The following MROH2A variants were observed in gnomAD, a reference collection of about 807,000 sequenced individuals.
The protein encoded by MROH2A is maestro heat-like repeat-containing protein family member 2A.
Under a neutral mutation model 200.4 loss-of-function variants are expected in MROH2A, and 174 were observed. The ratio of observed to expected loss-of-function variants is 0.87; its 90% CI spans 0.77 to 0.98. The LOEUF (loss-of-function observed/expected upper bound fraction) is 0.98, where lower values mean the gene tolerates loss of function less well. Ranked by LOEUF, MROH2A falls within the 50% of genes least tolerant of loss-of-function variation. The pLI is 0.00. For missense variants in MROH2A, 2,045 were observed against 2,139.6 expected (o/e 0.96, Z 0.87); for synonymous variants, 829 against 840.4 (o/e 0.99, Z 0.23).
chr2:233,791,814 C>T (rs1338932844), intron 5 of MROH2A, among the ~76,000 whole-genome samples: 1 of 151,876 alleles, frequency 6.6e-6, no homozygotes, highest in Non-Finnish European at 1.5e-5. Context: ...GGAAGAGCTT[C>T]ACGGCTTGCT....
In MROH2A at chr2:233,829,635, C is replaced by T. The variant is rs768778741; in HGVS notation, c.4462C>T (p.Arg1488Cys). The T allele has an allele frequency of 1.5e-5, 21 of 1,432,336 alleles. No individual in the cohort carries two copies. The highest frequency in any genetic ancestry group is 8.7e-5 in the Admixed American group (3 of 34,550). The allele number at this position is 1,432,336 out of a possible 1,614,324, so 88.7% of individuals were successfully genotyped here. A position where few individuals can be genotyped will look rare whatever the true frequency, so the allele number is the denominator to read the frequency against. Residue 1488 changes from arginine to cysteine, a missense_variant, in exon 38 of 42, where the codon CGT becomes TGT. This residue lies in a region of MROH2A where 1,201 missense variants were observed against 1,311.3 expected (regional missense o/e 0.92). Coordinates refer to ENST00000389758, the MANE Select transcript of MROH2A (RefSeq NM_001394639.1). ...CTGGCCACAGGAGAGCGAGCTGCTG[C>T]GTCTGAAAGCCTTCATCCTCTTTGG... ...IFFDNESELLRLKAFILFGKL... is the reference protein window; with the variant it reads ...IFFDNESELLCLKAFILFGKL...
intron 5 of MROH2A, among the ~76,000 whole-genome samples, chr2:233,792,405 C>A (rs575271479): frequency 2.6e-5 from 4 of 151,844 alleles, no homozygotes; most frequent in Non-Finnish European, 5.9e-5. Flanking sequence ...CTCCGCCTCC[C>A]GGGTTCACGC....
intron 5 of MROH2A, among the ~76,000 whole-genome samples, chr2:233,791,883 G>T (rs999119317): frequency 1.3e-5 from 2 of 151,986 alleles, no homozygotes; most frequent in African/African-American, 4.8e-5. Flanking sequence ...CTGGAAAGAG[G>T]ACAAGGGACA....
chr2:233,790,226 C>G (rs1373365340), intron 5 of MROH2A, among the ~76,000 whole-genome samples: 1 of 152,116 alleles, frequency 6.6e-6, no homozygotes, highest in Non-Finnish European at 1.5e-5. Context: ...TCTTCCCCCT[C>G]TCTCCTGCTC....
chr2:233,810,469 G>A (rs538512068), intron 22 of MROH2A, among the ~76,000 whole-genome samples: 1 of 152,280 alleles, frequency 6.6e-6, no homozygotes, highest in Non-Finnish European at 1.5e-5. Flanking sequence ...ATTACCACCC[G>A]CTGGGTCCCT....
chr2:233,820,122 C>T lies in MROH2A; in HGVS notation c.3512+66C>T, dbSNP rs565380764. On this transcript the variant is annotated intron_variant, in intron 31 of 41. Coordinates refer to ENST00000389758, the MANE Select transcript of MROH2A (RefSeq NM_001394639.1). This position sits in a 1 kb window ranked among gnomAD's most constrained non-coding sequence, Gnocchi z 4.1. ...TTTGACCATGCCCAACTCACCACCC[C>T]GATGTGTCCCAGAAGCCTGGAGCCT... is the stretch of plus-strand genomic sequence containing the variant. The T allele has an allele frequency of 5.3e-5, 73 of 1,378,608 alleles. No individual in the cohort carries two copies. In the African/African-American group the frequency reaches 5.4e-4, roughly 10 times the overall value. The allele number at this position is 1,378,608 out of a possible 1,614,324, so 85.4% of individuals were successfully genotyped here.
chr2:233,822,546 A>G lies in MROH2A; in HGVS notation c.3856A>G (p.Asn1286Asp), dbSNP rs1430796911. The change falls in exon 33 of 42, where the codon AAC becomes GAC. Residue 1286 changes from asparagine (N) to aspartate (D), a missense_variant. Around this residue, in one of 3 missense-constraint regions of MROH2A, gnomAD observed 1,201 missense variants for 1,311.3 expected, o/e 0.92. Transcript: ENST00000389758. ...CACCACTCCTCTGCCGGAGGAGATG[A>G]ACCTGCAAAGGTGCTCTCGAGGGCG... ...VHTTPLPEEM[N>D]LQRVTIKSMQ... 6.5e-7 allele frequency: 1 copy of G among 1,549,720 alleles called. No individual in the cohort carries two copies. The highest frequency in any genetic ancestry group is 2.0e-5 in the Admixed American group (1 of 51,006).
rs11563234 is a variant in MROH2A at position 233,821,923 on chromosome 2, G to A, written c.3513-201G>A. Among the ~76,000 whole-genome samples the A allele has an allele frequency of 9.9e-5, 15 of 152,270 alleles. No individual in the cohort carries two copies. In the South Asian group the frequency reaches 1.7e-3, roughly 17 times the overall value. ...GCTTTCCCAAAGGTACCGTGAGCCCGTGCAGAGAAAGGGGGTTGAGTATAG... is the reference window on the plus strand; with the variant it reads ...GCTTTCCCAAAGGTACCGTGAGCCCATGCAGAGAAAGGGGGTTGAGTATAG... On this transcript the variant is annotated intron_variant, in intron 31 of 41. Transcript: ENST00000389758.
Position 233,816,841 on chromosome 2 carries a change from CATCTCT to C in MROH2A, c.2923_2928del (p.Tyr975_Leu976del). Reference sequence around the variant, plus strand: ...GGAGCGGGAAAAGGCCGTGAGCCTCCATCTCTATCTCATGTGGATTTATGTCCACAG... The same window carrying C: ...GGAGCGGGAAAAGGCCGTGAGCCTCCATCTCATGTGGATTTATGTCCACAG... On this transcript the variant is annotated inframe_deletion, in exon 27 of 42. Transcript: ENST00000389758. The C allele has an allele frequency of 6.5e-7, 1 of 1,550,328 alleles. No homozygotes were observed. Among genetic ancestry groups the C allele is most frequent in the Non-Finnish European group, 8.7e-7 (1 of 1,146,834 alleles).
chr2:233,816,872 G>A lies in MROH2A; in HGVS notation c.2948G>A (p.Ser983Asn), dbSNP rs1158619958. 4 of 1,544,862 alleles carry A rather than the reference G, an allele frequency of 2.6e-6. No homozygotes were observed. The highest frequency in any genetic ancestry group is 3.5e-6 in the Non-Finnish European group (4 of 1,141,954). The change falls in exon 27 of 42, where the codon AGC (serine) becomes AAC (asparagine). Residue 983 changes from serine to asparagine, a missense_variant. Physicochemically the swap from Ser to Asn is conservative, Grantham distance 46 (BLOSUM62 1). This residue lies in a region of MROH2A where 1,201 missense variants were observed against 1,311.3 expected (regional missense o/e 0.92). Coordinates refer to ENST00000389758, the MANE Select transcript of MROH2A (RefSeq NM_001394639.1). ...TATCTCATGTGGATTTATGTCCACA[G>A]CACTGCTGTCTGTGTGAGTCCAGGA... The part of the protein sequence containing the change: ...HLYLMWIYVH[S>N]TAVCIHLKLG...
chr2:233,783,912 T>G (rs1701068940), intron 3 of MROH2A, among the ~76,000 whole-genome samples: 1 of 152,184 alleles, frequency 6.6e-6, no homozygotes, highest in Non-Finnish European at 1.5e-5. Context: ...ATTTCTGATT[T>G]TATTTATTTG....
intron 11 of MROH2A, among the ~76,000 whole-genome samples, chr2:233,797,206 C>A (rs1559451474): frequency 6.6e-6 from 1 of 152,170 alleles, no homozygotes; most frequent in Non-Finnish European, 1.5e-5. Flanking sequence ...TGACAAGAAA[C>A]CACCTGTGAT....
At chr2:233,819,194 G>A in intron 29 of MROH2A, 123 bp from the exon 30 acceptor site, 1 of 1,026,394 alleles carries the variant, frequency 9.7e-7, no homozygotes, top group Non-Finnish European at 1.4e-6. Flanking sequence ...AGGAGGCCAT[G>A]GCCATGGTCT....
Position 233,805,103 on chromosome 2 carries a change from C to G in MROH2A, c.2044C>G (p.Leu682Val). 2 of 1,548,784 alleles carry G rather than the reference C, an allele frequency of 1.3e-6. No homozygotes were observed. Among genetic ancestry groups the G allele is most frequent in the Non-Finnish European group, 1.7e-6 (2 of 1,145,742 alleles). ...NQIASFDSPS[L>V]EKGFLYRALG... The stretch of plus-strand genomic sequence containing the variant: ...GATTGCGAGCTTTGACAGCCCCTCT[C>G]TGGAGAAGGTTTGTCTTCATAGGGA... Residue 682 changes from leucine (L) to valine (V), a missense_variant, in exon 19 of 42, where the codon CTG becomes GTG. Leu to Val is a conservative substitution (Grantham distance 32). Around this residue, in one of 3 missense-constraint regions of MROH2A, gnomAD observed 1,201 missense variants for 1,311.3 expected, o/e 0.92. Coordinates refer to ENST00000389758, the MANE Select transcript of MROH2A (RefSeq NM_001394639.1).
intron 3 of MROH2A, among the ~76,000 whole-genome samples, chr2:233,789,154 T>C (rs532014911): frequency 6.6e-4 from 100 of 152,006 alleles, no homozygotes; most frequent in Non-Finnish European, 1.1e-3. Context: ...ACTCCCTCAA[T>C]AGGGCAAAGG....
rs1448980466 is a variant in MROH2A at position 233,800,196 on chromosome 2, T to C, written c.1450-9T>C. On this transcript the variant is annotated splice_polypyrimidine_tract_variant and intron_variant, in intron 13 of 41. Transcript: ENST00000389758. ...CCACAGGTGGGAATCCCTTGGTTCT[T>C]TCTTCCAGACAAATCGCCGGGAGAA... 2.6e-6 allele frequency: 4 copies of C among 1,540,352 alleles called. No homozygotes were observed. In the Admixed American group the frequency reaches 8.0e-5, roughly 31 times the overall value.
chr2:233,804,874 C>G (rs1235355218), intron 18 of MROH2A, 130 bp from the exon 19 acceptor site: 1 of 609,200 alleles, frequency 1.6e-6, no homozygotes, highest in Admixed American at 2.8e-5. Context: ...ACTTAGTGAT[C>G]TGGAGATGTG....
chr2:233,787,948 T>A (rs866935022), intron 3 of MROH2A, among the ~76,000 whole-genome samples: 2 of 52,266 alleles, frequency 3.8e-5, no homozygotes, highest in East Asian at 5.8e-4. Context: ...TACATATATA[T>A]TATATATACA....
At chr2:233,780,822 C>G (rs1700921324) in intron 3 of MROH2A, among the ~76,000 whole-genome samples, 2 of 152,168 alleles carry the variant, frequency 1.3e-5, no homozygotes, top group South Asian at 4.1e-4. Flanking sequence ...CTATAGAACA[C>G]AAGAGCTTAT....
Sources: gnomAD v4.1 joint callset for allele counts (sites outside exome capture counted in the v4.1 genomes callset) on GRCh38, gnomAD v4.1.1 for gene constraint, gnomAD v4.1.1 regional missense constraint, Gnocchi (gnomAD v3.1) non-coding constraint, MANE v1.5 for transcripts, NCBI Gene and HGNC (gene_info 2026-07-23, HGNC 2026-07-21) for gene names.